Variants in PIK3C2B observed in about 807,000 individuals in gnomAD.
PIK3C2B encodes the protein phosphatidylinositol-4-phosphate 3-kinase catalytic subunit type 2 beta.
A neutral mutation model predicts 184.3 loss-of-function variants in PIK3C2B; 83 were observed. That is an observed-to-expected ratio of 0.45 (90% CI 0.38 to 0.54). The LOEUF (loss-of-function observed/expected upper bound fraction) is 0.54, where lower values mean the gene tolerates loss of function less well. Ranked by LOEUF, PIK3C2B falls within the 20% of genes least tolerant of loss-of-function variation. The pLI, the probability that PIK3C2B is intolerant of heterozygous loss-of-function variation, is 0.00. For synonymous variants in PIK3C2B, 779 were observed against 837.6 expected, an observed-to-expected ratio of 0.93 and a Z score of 1.21; for missense variants, 1,736 against 2,113.5, an observed-to-expected ratio of 0.82 and a Z score of 3.50.
intron 3 of PIK3C2B, among the ~76,000 whole-genome samples, chr1:204,464,819 C>A (rs1204898861): frequency 5.3e-5 from 8 of 152,160 alleles, no homozygotes; most frequent in Admixed American, 5.2e-4. Context: ...TGTTTCCCAC[C>A]ATTGAACAGT....
chr1:204,450,486 A>G (rs1300016703), intron 12 of PIK3C2B, among the ~76,000 whole-genome samples: 1 of 151,796 alleles, frequency 6.6e-6, no homozygotes, highest in Non-Finnish European at 1.5e-5. Context: ...AGGAAGAAGC[A>G]CCATGTTCTC....
chr1:204,423,503 G>C lies in PIK3C2B; in HGVS notation c.*1349C>G, dbSNP rs1482908830. 1 of 152,020 alleles carries C rather than the reference G, an allele frequency of 6.6e-6. No homozygotes were observed. The highest frequency in any genetic ancestry group is 1.5e-5 in the Non-Finnish European group (1 of 68,018). The allele number at this position is 152,020 out of a possible 1,614,324, so 9.4% of individuals were successfully genotyped here. A position where few individuals can be genotyped will look rare whatever the true frequency, so the allele number is the denominator to read the frequency against. On this transcript the variant is annotated 3_prime_UTR_variant, in exon 33 of 33. Coordinates refer to ENST00000684373, the MANE Select transcript of PIK3C2B (RefSeq NM_001377334.1). ...GAATAAAGAATATGAAGAGATAAGG[G>C]AGTCAGTCTCAGTCTCTCCCTTCGG...
At chr1:204,438,327 C>A (rs534534221) in intron 23 of PIK3C2B, among the ~76,000 whole-genome samples, 12 of 152,188 alleles carry the variant, frequency 7.9e-5, no homozygotes, top group Admixed American at 2.0e-4. Flanking sequence ...CGGACCCTAG[C>A]AGGCTACCAG....
intron 14 of PIK3C2B, among the ~76,000 whole-genome samples, chr1:204,448,757 C>T (rs1380336032): frequency 1.3e-5 from 2 of 152,114 alleles, no homozygotes; most frequent in East Asian, 1.9e-4. Flanking sequence ...GCACCTTGGG[C>T]GTGACCAGCT....
intron 32 of PIK3C2B, 53 bp downstream of exon 32, chr1:204,425,560 G>A: frequency 6.3e-7 from 1 of 1,589,856 alleles, no homozygotes; most frequent in Admixed American, 1.7e-5. Context: ...TTATCTAGGA[G>A]AACAGGCGCA....
chr1:204,442,695 C>T (rs1478313471), intron 19 of PIK3C2B, 62 bp from the exon 20 acceptor site: 3 of 1,156,850 alleles, frequency 2.6e-6, no homozygotes, highest in Middle Eastern at 2.0e-4. Context: ...AGAACCAGAC[C>T]TCTCCCAGGG....
chr1:204,429,948 C>A lies in PIK3C2B; in HGVS notation c.4371G>T (p.Leu1457Phe). ...CGGCCACCTCAGGGGGTGCGTGGAT[C>A]AAGTGCCAGATGTAACCGTTTAGCT... ...REELNGYIWH[L>F]IHAPPEVAEC... The change falls in exon 29 of 33, where the codon TTG (leucine) becomes TTT (phenylalanine). Residue 1457 changes from leucine to phenylalanine, a missense_variant. Physicochemically the swap from Leu to Phe is conservative, Grantham distance 22. Around this residue, in one of 8 missense-constraint regions of PIK3C2B, gnomAD observed 200 missense variants for 199.1 expected, o/e 1.00. Transcript: ENST00000684373. The A allele has an allele frequency of 6.2e-7, 1 of 1,612,684 alleles. No individual in the cohort carries two copies.
intron 5 of PIK3C2B, among the ~76,000 whole-genome samples, chr1:204,462,645 A>G (rs1655429882): frequency 6.6e-6 from 1 of 152,210 alleles, no homozygotes. Context: ...GGTGGGGCAC[A>G]TTTGAAGGGT....
At chr1:204,463,540 A>T (rs1655500886) in intron 5 of PIK3C2B, among the ~76,000 whole-genome samples, 2 of 152,138 alleles carry the variant, frequency 1.3e-5, no homozygotes, top group Non-Finnish European at 1.5e-5. Context: ...CCAGCTGGGG[A>T]AAAGACTTGT....
intron 13 of PIK3C2B, among the ~76,000 whole-genome samples, 173 bp downstream of exon 13, chr1:204,449,677 C>T (rs1304395057): frequency 6.6e-6 from 1 of 152,218 alleles, no homozygotes; most frequent in Non-Finnish European, 1.5e-5. Context: ...CTCTTGGTTA[C>T]ATCAATAGTC....
chr1:204,454,836 C>A (rs764744499), intron 11 of PIK3C2B, 45 bp from the exon 12 acceptor site: 4 of 1,589,202 alleles, frequency 2.5e-6, no homozygotes, highest in African/African-American at 1.3e-5. Context: ...CTCCCAAAAC[C>A]AATCACCCAA....
At position 204,457,714 on chromosome 1, in the gene PIK3C2B, C is replaced by T. The variant is rs747688446; in HGVS notation, c.1713+14G>A. On this transcript the variant is annotated intron_variant, in intron 9 of 32. Coordinates refer to ENST00000684373, the MANE Select transcript of PIK3C2B (RefSeq NM_001377334.1). The stretch of plus-strand genomic sequence containing the variant: ...TCTCTTCCTTTCCCCTGCTAGCACC[C>T]TGGGCCCCTTTACCTTCTGAATTTT... 1.9e-6 allele frequency: 3 copies of T among 1,596,732 alleles called. No individual in the cohort carries two copies. The highest frequency in any genetic ancestry group is 3.6e-5 in the Admixed American group (2 of 55,794).
At chr1:204,478,960 A>G (rs972603543) in intron 1 of PIK3C2B, among the ~76,000 whole-genome samples, 1 of 152,234 alleles carries the variant, frequency 6.6e-6, no homozygotes, top group Non-Finnish European at 1.5e-5. Flanking sequence ...ATGCACACAC[A>G]TAGAATCCTT....
intron 10 of PIK3C2B, 187 bp from the exon 11 acceptor site, chr1:204,456,238 C>G: frequency 2.1e-6 from 1 of 470,670 alleles, no homozygotes; most frequent in Non-Finnish European, 3.7e-6. Flanking sequence ...ATGTCATGAG[C>G]TTTTCATAAA....
At chr1:204,480,683 G>A (rs1657052189) in intron 1 of PIK3C2B, among the ~76,000 whole-genome samples, 1 of 152,024 alleles carries the variant, frequency 6.6e-6, no homozygotes, top group Admixed American at 6.6e-5. Context: ...GCCAGGCTGT[G>A]TGGGTGGTGG....
Position 204,440,362 on chromosome 1 carries a change from C to T in PIK3C2B, c.3250-41G>A, listed in dbSNP as rs775902977. ...AAGTGACCAGATCTAATCTCCACTACCTCCCCAGCTCTCAGGTCTCCCAAG... is the reference window on the plus strand; with the variant it reads ...AAGTGACCAGATCTAATCTCCACTATCTCCCCAGCTCTCAGGTCTCCCAAG... On this transcript the variant is annotated intron_variant, in intron 21 of 32. Coordinates refer to ENST00000684373, the MANE Select transcript of PIK3C2B (RefSeq NM_001377334.1). The T allele has an allele frequency of 2.6e-6, 4 of 1,531,548 alleles. No individual in the cohort carries two copies. In the South Asian group the frequency reaches 5.0e-5, roughly 19 times the overall value. 94.9% of individuals were successfully genotyped at this position (1,531,548 alleles called of 1,614,324 possible).
At chr1:204,482,912 G>C (rs1657287300) in intron 1 of PIK3C2B, among the ~76,000 whole-genome samples, 1 of 152,184 alleles carries the variant, frequency 6.6e-6, no homozygotes, top group Non-Finnish European at 1.5e-5. Context: ...ATCCCAGAAG[G>C]ACTGCCCATG....
At chr1:204,480,804 C>T (rs1657070060) in intron 1 of PIK3C2B, among the ~76,000 whole-genome samples, 2 of 152,032 alleles carry the variant, frequency 1.3e-5, no homozygotes, top group Non-Finnish European at 2.9e-5. Flanking sequence ...GCCGACCAGC[C>T]CCCGCGCCAT....
intron 12 of PIK3C2B, 134 bp downstream of exon 12, chr1:204,454,535 A>ACTT: frequency 1.2e-6 from 1 of 815,176 alleles, no homozygotes; most frequent in Non-Finnish European, 1.9e-6. Context: ...AGGTTGAATG[A>ACTT]CTTGTCCAGT....
Sources: gnomAD v4.1 joint callset for allele counts (sites outside exome capture counted in the v4.1 genomes callset) on GRCh38, gnomAD v4.1.1 for gene constraint, gnomAD v4.1.1 regional missense constraint, MANE v1.5 for transcripts, NCBI Gene and HGNC (gene_info 2026-07-23, HGNC 2026-07-21) for gene names.